The following NOTCH2 variants were observed in gnomAD, a reference collection of about 807,000 sequenced individuals.
NOTCH2 encodes the protein notch receptor 2, also known as neurogenic locus notch homolog protein 2.
Under a neutral mutation model 235.8 loss-of-function variants are expected in NOTCH2, and 29 were observed. The ratio of observed to expected loss-of-function variants is 0.12; its 90% CI spans 0.09 to 0.17. The LOEUF is 0.17. Ranked by LOEUF, NOTCH2 falls within the 10% of genes least tolerant of loss-of-function variation. NOTCH2 has a pLI of 1.00. For missense variants in NOTCH2, 2,285 were observed against 3,150.2 expected, an observed-to-expected ratio of 0.73 and a Z score of 6.57; for synonymous variants, 1,086 against 1,141.5, an observed-to-expected ratio of 0.95 and a Z score of 0.98.
At position 119,967,572 on chromosome 1, in the gene NOTCH2, G is replaced by C. The variant is rs782348587; in HGVS notation, c.1314C>G (p.Gly438=). The change falls in exon 8 of 34, where the codon GGC becomes GGG. Residue 438 remains glycine, a synonymous_variant. Coordinates refer to ENST00000256646, the MANE Select transcript of NOTCH2 (RefSeq NM_024408.4). ...EHAGKCVNTD[G]AFHCECLKGY... is the part of the protein sequence containing the mutation. ...CCTTCAGACACTCACAGTGGAAGGC[G>C]CCATCCGTGTTCACACATTTTCCTG... The C allele has an allele frequency of 8.7e-6, 14 of 1,613,908 alleles. No homozygotes were observed. Among genetic ancestry groups the C allele is most frequent in the Non-Finnish European group, 1.2e-5 (14 of 1,179,972 alleles).
intron 13 of NOTCH2, among the ~76,000 whole-genome samples, chr1:119,954,685 A>G (rs587722586): frequency 2.0e-5 from 3 of 152,212 alleles, no homozygotes; most frequent in South Asian, 2.1e-4. Flanking sequence ...TAAGCAGGGG[A>G]AAAAAAATCA....
Position 119,987,091 on chromosome 1 carries a change from TGAA to T in NOTCH2, c.752-12_752-10del, listed in dbSNP as rs1557834122. On this transcript the variant is annotated splice_polypyrimidine_tract_variant and intron_variant, in intron 4 of 33. Transcript: ENST00000256646. ...GGTGCTCCCTTCAAAACCTGGTAAA[TGAA>T]GAACAAATGAAAATGATGAAATCTC... The T allele has an allele frequency of 6.2e-7, 1 of 1,613,302 alleles. No homozygotes were observed. The highest frequency in any genetic ancestry group is 8.5e-7 in the Non-Finnish European group (1 of 1,179,490).
intron 21 of NOTCH2, 145 bp downstream of exon 21, chr1:119,937,136 AC>A: frequency 1.2e-6 from 1 of 826,782 alleles, no homozygotes; most frequent in Non-Finnish European, 2.0e-6. Flanking sequence ...GCTGAAAGAA[AC>A]AGTGGTAAAC....
At chr1:119,987,779 ATT>A (rs1652076929) in intron 4 of NOTCH2, among the ~76,000 whole-genome samples, 1 of 152,224 alleles carries the variant, frequency 6.6e-6, no homozygotes, top group Non-Finnish European at 1.5e-5. Context: ...ATTGGGTGGC[ATT>A]ATTACTAACT....
rs1245105832 is a variant in NOTCH2, at chr1:119,986,891, T to A, written c.874+69A>T. 10 of 1,607,472 alleles carry A rather than the reference T, an allele frequency of 6.2e-6. No homozygotes were observed. In the East Asian group the frequency reaches 1.6e-4, roughly 25 times the overall value. ...CCTAAGATATTTGTTACTGATATTTTAAAAAAACAGTCTGCCTCTGGTTAC... is the reference window on the plus strand; with the variant it reads ...CCTAAGATATTTGTTACTGATATTTAAAAAAAACAGTCTGCCTCTGGTTAC... On this transcript the variant is annotated intron_variant, in intron 5 of 33. Transcript: ENST00000256646.
At chr1:119,971,526 G>A (rs1337613471) in intron 5 of NOTCH2, among the ~76,000 whole-genome samples, 1 of 152,140 alleles carries the variant, frequency 6.6e-6, no homozygotes, top group Non-Finnish European at 1.5e-5. Flanking sequence ...GGGTGAATCA[G>A]AAGTGCACAG....
At chr1:120,028,336 G>T (rs1325252250) in intron 2 of NOTCH2, among the ~76,000 whole-genome samples, 2 of 139,314 alleles carry the variant, frequency 1.4e-5, no homozygotes, top group Non-Finnish European at 3.1e-5. Flanking sequence ...GGCACCAAAT[G>T]CCACAAAAAG....
At chr1:120,055,708 A>G (rs1426026806) in intron 1 of NOTCH2, among the ~76,000 whole-genome samples, 2 of 151,958 alleles carry the variant, frequency 1.3e-5, no homozygotes, top group African/African-American at 4.8e-5. Flanking sequence ...TTCTTAAAAC[A>G]AAACAAAATA....
At chr1:119,947,764 GAA>G (rs1441940972) in intron 17 of NOTCH2, among the ~76,000 whole-genome samples, 3 of 152,164 alleles carry the variant, frequency 2.0e-5, no homozygotes, top group Admixed American at 2.0e-4. Context: ...ATCAACCAAT[GAA>G]CTGTAATATG....
At chr1:119,988,580 C>A (rs1652109009) in intron 4 of NOTCH2, among the ~76,000 whole-genome samples, 1 of 152,186 alleles carries the variant, frequency 6.6e-6, no homozygotes. Context: ...AAGCCCACCC[C>A]TACAGAATCT....
intron 29 of NOTCH2, among the ~76,000 whole-genome samples, 158 bp from the exon 30 acceptor site, chr1:119,920,555 C>T (rs587660351): frequency 2.6e-5 from 4 of 152,160 alleles, no homozygotes; most frequent in Non-Finnish European, 5.9e-5. Context: ...CTTGGCTTCC[C>T]ACTGCTCTCG....
At chr1:119,999,972 A>G (rs200918210) in intron 3 of NOTCH2, among the ~76,000 whole-genome samples, 2,077 of 59,808 alleles carry the variant, frequency 0.035, 1 homozygote, top group East Asian at 0.071. Context: ...AGAAAGAAAG[A>G]AAGAAAGGAA....
intron 12 of NOTCH2, among the ~76,000 whole-genome samples, chr1:119,956,366 T>C (rs1553198365): frequency 6.6e-6 from 1 of 152,222 alleles, no homozygotes; most frequent in Admixed American, 6.5e-5. Flanking sequence ...TTTGAAAACA[T>C]GCATTTTTCT....
At chr1:119,952,113 T>C (rs1272377714) in intron 14 of NOTCH2, among the ~76,000 whole-genome samples, 2 of 152,150 alleles carry the variant, frequency 1.3e-5, no homozygotes, top group African/African-American at 2.4e-5. Flanking sequence ...GCAAATATAA[T>C]GATTTACCCA....
In NOTCH2 at chr1:120,001,781, TCCA is replaced by T. The variant is rs1270799629; in HGVS notation, c.415+3545_415+3547del. Among the ~76,000 whole-genome samples the T allele has an allele frequency of 1.1e-4, 16 of 152,318 alleles. No homozygotes were observed. The East Asian group carries it at 1.2e-3, about 11-fold the overall frequency. On this transcript the variant is annotated intron_variant, in intron 3 of 33. Transcript: ENST00000256646. ...AATGCCTTATCCACTGTCATGGTAT[TCCA>T]CACAGCATTGCCTCTAACCAAGGCA...
Position 120,069,321 on chromosome 1 carries a change from G to C in NOTCH2, c.73+13C>G, listed in dbSNP as rs781853491. 6.4e-7 allele frequency: 1 copy of C among 1,562,438 alleles called. No individual in the cohort carries two copies. The highest frequency in any genetic ancestry group is 2.3e-5 in the East Asian group (1 of 42,680). On this transcript the variant is annotated intron_variant, in intron 1 of 33. Coordinates refer to ENST00000256646, the MANE Select transcript of NOTCH2 (RefSeq NM_024408.4). ...CGGGCGCCGCGGACAGCGCCCCTCA[G>C]CCCGATACTCACCATGCGCGGGGGC... is the stretch of plus-strand genomic sequence containing the variant.
intron 2 of NOTCH2, among the ~76,000 whole-genome samples, chr1:120,009,686 A>T (rs1383119978): frequency 1.3e-5 from 2 of 150,582 alleles, no homozygotes; most frequent in African/African-American, 2.5e-5. Context: ...TCATAAGGAA[A>T]TTCTCTCTCC....
In NOTCH2 at chr1:119,922,752, T is replaced by C. The variant is rs759291215; in HGVS notation, c.4886A>G (p.Asn1629Ser). The change falls in exon 27 of 34, where the codon AAC becomes AGC. Residue 1629 changes from asparagine to serine, a missense_variant. This residue lies in a region of NOTCH2 where 1,173 missense variants were observed against 1,515.3 expected (regional missense o/e 0.77). Transcript: ENST00000256646. ...AGSKVFLEIDNRQCVQDSDHC... is the reference protein window; with the variant it reads ...AGSKVFLEIDSRQCVQDSDHC... ...GTCTGAGTCTTGAACACACTGGCGG[T>C]TGTCAATTTCCAGAAAGACTTTAGA... 4 of 1,614,026 alleles carry C rather than the reference T, an allele frequency of 2.5e-6. No homozygotes were observed. Among genetic ancestry groups the C allele is most frequent in the East Asian group, 2.2e-5 (1 of 44,862 alleles).
At chr1:119,927,830 G>A (rs1224357538) in intron 23 of NOTCH2, among the ~76,000 whole-genome samples, 2 of 152,146 alleles carry the variant, frequency 1.3e-5, no homozygotes, top group Admixed American at 1.3e-4. Context: ...TTTGATGTTA[G>A]TGTATCCAGG....
Sources: gnomAD v4.1 joint callset for allele counts (sites outside exome capture counted in the v4.1 genomes callset) on GRCh38, gnomAD v4.1.1 for gene constraint, gnomAD v4.1.1 regional missense constraint, MANE v1.5 for transcripts, NCBI Gene and HGNC (gene_info 2026-07-23, HGNC 2026-07-21) for gene names.